DMD: variants seen among roughly 807,000 people sequenced by gnomAD.
The protein encoded by DMD is mutant dystrophin.
DMD carries 63 observed loss-of-function variants against 330.1 expected under a neutral mutation model. The ratio of observed to expected loss-of-function variants is 0.19; its 90% CI spans 0.16 to 0.24. The LOEUF (loss-of-function observed/expected upper bound fraction) is 0.24, where lower values mean the gene tolerates loss of function less well. DMD is among the 10% of genes least tolerant of loss of function. DMD has a pLI of 1.00. For missense variants in DMD, 3,344 were observed against 2,684.1 expected (o/e 1.25, Z -5.43); for synonymous variants, 1,223 against 959.8 (o/e 1.27, Z -5.07).
intron 54 of DMD, among the ~76,000 whole-genome samples, chrX:31,653,053 G>A (rs966329771): frequency 8.1e-5 from 9 of 111,561 alleles, no homozygotes; most frequent in Non-Finnish European, 1.1e-4. Context: ...GTTGGAGAAT[G>A]TAAAAGAGAT....
At chrX:31,383,816 G>A (rs945137972) in intron 60 of DMD, among the ~76,000 whole-genome samples, 1 of 111,720 alleles carries the variant, frequency 9.0e-6, no homozygotes, top group Non-Finnish European at 1.9e-5. Flanking sequence ...TGGACTCGAG[G>A]TGAAGATTAC....
At chrX:32,932,027 G>T (rs578256009) in intron 2 of DMD, among the ~76,000 whole-genome samples, 1 of 111,707 alleles carries the variant, frequency 9.0e-6, no homozygotes, top group East Asian at 2.8e-4. Context: ...ATACACACAC[G>T]CATTATGCTA....
chrX:31,967,300 GTGTGTGT>G lies in DMD; in HGVS notation c.6614+1032_6614+1038del, dbSNP rs1569524513. Among the ~76,000 whole-genome samples, 6 of 9,456 alleles carry G rather than the reference GTGTGTGT, an allele frequency of 6.3e-4. 1 individual carries two copies. The South Asian group carries it at 0.012, about 19-fold the overall frequency. 8.2% of individuals were successfully genotyped at this position (9,456 alleles called of 115,157 possible). On this transcript the variant is annotated intron_variant, in intron 45 of 78. Transcript: ENST00000357033. Reference sequence around the variant, plus strand: ...TAATTCTTTAACTTTGGCAAGGGGTGTGTGTGTGTGTGTGTGTGTGTGTGTGTGTGTG... The same window carrying G: ...TAATTCTTTAACTTTGGCAAGGGGTGGTGTGTGTGTGTGTGTGTGTGTGTG...
At chrX:32,720,692 G>A (rs749610999) in intron 7 of DMD, among the ~76,000 whole-genome samples, 9 of 111,494 alleles carry the variant, frequency 8.1e-5, no homozygotes, top group East Asian at 2.8e-4. Context: ...TAGCTGAGGC[G>A]ATAGACATTT....
At chrX:33,005,935 A>T (rs755871448) in intron 2 of DMD, among the ~76,000 whole-genome samples, 1 of 111,603 alleles carries the variant, frequency 9.0e-6, no homozygotes, top group African/African-American at 3.2e-5. Context: ...TATAAAATTC[A>T]ATTGTTTCTT....
intron 3 of DMD, among the ~76,000 whole-genome samples, chrX:32,847,758 G>A (rs1300334924): frequency 8.9e-6 from 1 of 111,922 alleles, no homozygotes; most frequent in African/African-American, 3.2e-5. Flanking sequence ...CCTTATACTG[G>A]CCAATCTCAT....
intron 7 of DMD, among the ~76,000 whole-genome samples, chrX:32,776,282 A>ACCC (rs58231835): frequency 3.4e-5 from 3 of 89,258 alleles, no homozygotes; most frequent in Non-Finnish European, 4.5e-5. Flanking sequence ...TCTTCTTCTG[A>ACCC]CCCCCCCCCC....
chrX:32,724,947 G>T (rs1411313738), intron 7 of DMD, among the ~76,000 whole-genome samples: 2 of 111,542 alleles, frequency 1.8e-5, no homozygotes, highest in Non-Finnish European at 1.9e-5. Flanking sequence ...GCATCAGAAA[G>T]CTCTAGTAAA....
chrX:32,605,550 T>A (rs781078411), intron 12 of DMD, among the ~76,000 whole-genome samples: 3 of 108,011 alleles, frequency 2.8e-5, no homozygotes, highest in Non-Finnish European at 5.8e-5. Context: ...AACTTAATTT[T>A]AAAATCTTCT....
chrX:32,787,241 T>TGAGA (rs1340982882), intron 7 of DMD, among the ~76,000 whole-genome samples: 1 of 96,180 alleles, frequency 1.0e-5, no homozygotes, highest in African/African-American at 3.7e-5. Context: ...TGTGTGTGTG[T>TGAGA]GTGTGTGAGA....
chrX:32,382,818 TTTTA>T (rs921730017), intron 33 of DMD, among the ~76,000 whole-genome samples: 1 of 110,810 alleles, frequency 9.0e-6, no homozygotes, highest in Non-Finnish European at 1.9e-5. Flanking sequence ...CAGTATTGAT[TTTTA>T]TTTATTTCAT....
chrX:32,775,029 T>C (rs73621826), intron 7 of DMD, among the ~76,000 whole-genome samples: 19,675 of 111,423 alleles, frequency 0.18, 2,228 homozygotes, highest in African/African-American at 0.41. Context: ...GGGAAACTGG[T>C]CAAAGCAAAG....
intron 41 of DMD, among the ~76,000 whole-genome samples, chrX:32,312,562 C>A (rs2097566590): frequency 9.1e-6 from 1 of 110,413 alleles, no homozygotes; most frequent in Non-Finnish European, 1.9e-5. Flanking sequence ...AAATTTCAAA[C>A]CCAAATTTTG....
chrX:32,307,376 G>A (rs2097544322), intron 42 of DMD, among the ~76,000 whole-genome samples: 1 of 111,525 alleles, frequency 9.0e-6, no homozygotes, highest in Non-Finnish European at 1.9e-5. Context: ...ATTTGTTATT[G>A]GTTGAGGTTT....
rs1002073808 is a variant in DMD at position 32,062,013 on chromosome X, A to G, written c.6439-93499T>C. Among the ~76,000 whole-genome samples the G allele has an allele frequency of 2.7e-5, 3 of 111,134 alleles. No individual in the cohort carries two copies. In the South Asian group the frequency reaches 1.1e-3, roughly 42 times the overall value. ...TCATTTCACGGAATAATATAGATCA[A>G]TGTTTCTCATGCTGATTTCTCCAGG... On this transcript the variant is annotated intron_variant, in intron 44 of 78. Coordinates refer to ENST00000357033, the MANE Select transcript of DMD (RefSeq NM_004006.3).
In DMD at chrX:32,386,369, T is replaced by C. The variant is rs1387802855; in HGVS notation, c.4615A>G (p.Lys1539Glu). The C allele has an allele frequency of 8.3e-7, 1 of 1,209,779 alleles. No individual in the cohort carries two copies. ...GCTGTTACTCTTTCATCAAGTTCTT[T>C]GGGATTTTCCGTCTGCTTTTTCTGT... ...IVQKKQTENP[K>E]ELDERVTALK... is the part of the protein sequence containing the mutation. The change falls in exon 33 of 79, where the codon AAA becomes GAA. Residue 1539 changes from lysine (K) to glutamate (E), a missense_variant. Lys to Glu is a moderately conservative substitution (Grantham distance 56). Transcript: ENST00000357033.
intron 7 of DMD, among the ~76,000 whole-genome samples, chrX:32,766,082 G>C (rs1031955664): frequency 3.6e-5 from 4 of 111,254 alleles, no homozygotes; most frequent in African/African-American, 9.8e-5. Flanking sequence ...CAATACCACA[G>C]TGTTTTGATT....
chrX:33,094,595 T>A (rs1357187302), intron 1 of DMD, among the ~76,000 whole-genome samples: 1 of 110,977 alleles, frequency 9.0e-6, no homozygotes, highest in Non-Finnish European at 1.9e-5. Flanking sequence ...TCACCTGAGG[T>A]CAGGAGTTCA....
chrX:31,673,487 C>G (rs1196008701), intron 53 of DMD, among the ~76,000 whole-genome samples: 1 of 110,783 alleles, frequency 9.0e-6, no homozygotes, highest in Non-Finnish European at 1.9e-5. Context: ...GTGGAATGTG[C>G]CTGTAGTTCC....
Sources: allele counts gnomAD v4.1 joint callset (sites outside exome capture counted in the v4.1 genomes callset), GRCh38; gene constraint gnomAD v4.1.1; transcripts MANE v1.5; gene names NCBI Gene and HGNC (gene_info 2026-07-23, HGNC 2026-07-21).